SLC9A8: variants seen among roughly 807,000 people sequenced by gnomAD.
SLC9A8 encodes the protein sodium/hydrogen exchanger 8.
Under a neutral mutation model 66.6 loss-of-function variants are expected in SLC9A8, and 48 were observed. The ratio of observed to expected loss-of-function variants is 0.72; its 90% CI spans 0.57 to 0.92. The LOEUF is 0.92. Ranked by LOEUF, SLC9A8 falls within the 40% of genes least tolerant of loss-of-function variation. SLC9A8 has a pLI of 0.00. For missense variants in SLC9A8, 599 were observed against 747.3 expected, an observed-to-expected ratio of 0.80 and a Z score of 2.31; for synonymous variants, 274 against 282.6, an observed-to-expected ratio of 0.97 and a Z score of 0.31.
intron 3 of SLC9A8, among the ~76,000 whole-genome samples, chr20:49,825,450 G>A (rs973473760): frequency 6.6e-6 from 1 of 152,126 alleles, no homozygotes; most frequent in Non-Finnish European, 1.5e-5. Context: ...AGACCAGCCT[G>A]GCCAACATGG....
chr20:49,816,366 G>A (rs2086547862), intron 2 of SLC9A8, among the ~76,000 whole-genome samples: 1 of 151,924 alleles, frequency 6.6e-6, no homozygotes, highest in African/African-American at 2.4e-5. Context: ...GCTGCGGTGA[G>A]CCAAGATCGT....
chr20:49,868,427 G>A (rs554502817), intron 10 of SLC9A8, among the ~76,000 whole-genome samples: 59 of 152,284 alleles, frequency 3.9e-4, no homozygotes, highest in African/African-American at 1.4e-3. Flanking sequence ...GTGTGTGGAC[G>A]CCCCACATTG....
chr20:49,884,819 T>C lies in SLC9A8; in HGVS notation c.1491+753T>C, dbSNP rs117309278. Among the ~76,000 whole-genome samples the C allele has an allele frequency of 4.4e-3, 669 of 152,286 alleles. 12 individuals are homozygous for C. Among genetic ancestry groups the C allele is most frequent in the East Asian group, 0.035 (182 of 5,174 alleles). ...CTGCCACCAGGCTGCCTTCCCGCCC[T>C]GTCTTCACCCTCAGGACCCCTGTGC... On this transcript the variant is annotated intron_variant, in intron 14 of 15. Transcript: ENST00000361573.
intron 3 of SLC9A8, among the ~76,000 whole-genome samples, chr20:49,834,073 ACT>A (rs1568810668): frequency 6.8e-6 from 1 of 147,048 alleles, no homozygotes. Context: ...ACATGGTGAA[ACT>A]CTGTCTCTGC....
intron 2 of SLC9A8, among the ~76,000 whole-genome samples, chr20:49,817,413 T>TA (rs1194201198): frequency 6.6e-5 from 10 of 151,554 alleles, no homozygotes; most frequent in Admixed American, 5.2e-4. Flanking sequence ...GTCATACTCC[T>TA]AATGAGATTA....
At chr20:49,874,956 C>T (rs1404639283) in intron 11 of SLC9A8, 135 bp downstream of exon 11, 2 of 676,398 alleles carry the variant, frequency 3.0e-6, no homozygotes, top group Non-Finnish European at 5.4e-6. Context: ...CCCTCACTCC[C>T]TTATCTTTTG....
Position 49,864,863 on chromosome 20 carries a change from G to A in SLC9A8, c.958+19G>A. ...CTCTCAGGTAAGTGACAGAGAGCCTGAAAGTGCTGTGGTGATGGCATCTTG... is the reference window on the plus strand; with the variant it reads ...CTCTCAGGTAAGTGACAGAGAGCCTAAAAGTGCTGTGGTGATGGCATCTTG... On this transcript the variant is annotated intron_variant, in intron 10 of 15. Coordinates refer to ENST00000361573, the MANE Select transcript of SLC9A8 (RefSeq NM_015266.3). 6.6e-7 allele frequency: 1 copy of A among 1,514,526 alleles called. No homozygotes were observed. Among genetic ancestry groups the A allele is most frequent in the Non-Finnish European group, 9.2e-7 (1 of 1,089,062 alleles). The allele number at this position is 1,514,526 out of a possible 1,614,324, so 93.8% of individuals were successfully genotyped here.
intron 13 of SLC9A8, among the ~76,000 whole-genome samples, chr20:49,883,422 G>A (rs901089369): frequency 6.6e-6 from 1 of 152,166 alleles, no homozygotes; most frequent in Non-Finnish European, 1.5e-5. Context: ...TGTGTGTTGT[G>A]GACAAGAGTA....
chr20:49,869,385 AT>A (rs1335254581), intron 10 of SLC9A8, among the ~76,000 whole-genome samples: 15 of 148,294 alleles, frequency 1.0e-4, no homozygotes, highest in East Asian at 2.0e-4. Context: ...CGCCCGACTA[AT>A]TTTTTTTTTG....
chr20:49,880,777 C>T (rs758694142), intron 12 of SLC9A8, 147 bp from the exon 13 acceptor site: 7 of 624,698 alleles, frequency 1.1e-5, no homozygotes, highest in South Asian at 5.6e-5. Flanking sequence ...CTCTGACGAG[C>T]ATGGTGTTGC....
intron 8 of SLC9A8, among the ~76,000 whole-genome samples, chr20:49,859,087 C>T (rs147395782): frequency 2.1e-4 from 32 of 152,252 alleles, no homozygotes; most frequent in African/African-American, 7.0e-4. Flanking sequence ...GCTGAGGCCA[C>T]GGTTGGATCT....
chr20:49,830,047 C>G, intron 3 of SLC9A8: 1 of 685,844 alleles, frequency 1.5e-6, no homozygotes, highest in Non-Finnish European at 2.8e-6. Context: ...GGCAGCCGAC[C>G]AGAAGCGAGC....
At chr20:49,839,713 A>C in intron 4 of SLC9A8, 114 bp downstream of exon 4, 1 of 537,456 alleles carries the variant, frequency 1.9e-6, no homozygotes, top group Non-Finnish European at 3.2e-6. Context: ...TATATATCCC[A>C]TTACTTTTTA....
intron 3 of SLC9A8, among the ~76,000 whole-genome samples, chr20:49,834,403 G>GTATATATATAC (rs1204668726): frequency 9.0e-5 from 4 of 44,552 alleles, no homozygotes; most frequent in East Asian, 1.2e-3. Context: ...TATATATACT[G>GTATATATATAC]TGTATATATA....
chr20:49,817,110 G>A (rs542955346), intron 2 of SLC9A8, among the ~76,000 whole-genome samples: 3 of 151,428 alleles, frequency 2.0e-5, no homozygotes, highest in African/African-American at 7.2e-5. Context: ...AAGGTCAGGA[G>A]TTCGAGACCA....
chr20:49,818,444 G>A (rs719218), intron 2 of SLC9A8, among the ~76,000 whole-genome samples: 12,956 of 141,676 alleles, frequency 0.091, 665 homozygotes, highest in Middle Eastern at 0.14. Flanking sequence ...CCTGTTGCAT[G>A]TTATTTTATT....
At position 49,884,071 on chromosome 20, in the gene SLC9A8, G is replaced by C; in HGVS notation, c.1491+5G>C. On this transcript the variant is annotated splice_donor_5th_base_variant and intron_variant, in intron 14 of 15. Coordinates refer to ENST00000361573, the MANE Select transcript of SLC9A8 (RefSeq NM_015266.3). Reference sequence around the variant, plus strand: ...CTCAGCAAGACTGAGAAGATGGTTAGTACCATGCGCCTGTGGGGGTGGGGC... The same window carrying C: ...CTCAGCAAGACTGAGAAGATGGTTACTACCATGCGCCTGTGGGGGTGGGGC... 6.2e-7 allele frequency: 1 copy of C among 1,612,858 alleles called. No individual in the cohort carries two copies. The highest frequency in any genetic ancestry group is 1.6e-4 in the Middle Eastern group (1 of 6,062).
chr20:49,852,562 C>CT (rs1422768987), intron 7 of SLC9A8, among the ~76,000 whole-genome samples: 1 of 152,118 alleles, frequency 6.6e-6, no homozygotes, highest in Non-Finnish European at 1.5e-5. Context: ...TAGTTCATTT[C>CT]TTTTTCATTT....
Position 49,845,101 on chromosome 20 carries a change from T to C in SLC9A8, c.414T>C (p.Ser138=). ...LLLLPPIIFE[S]GYSLHKGNFF... Reference sequence around the variant, plus strand: ...TGCTTCCCCCTATTATCTTTGAGTCTGGATATTCATTACACAAGGTGAGAC... The same window carrying C: ...TGCTTCCCCCTATTATCTTTGAGTCCGGATATTCATTACACAAGGTGAGAC... Residue 138 remains serine, a synonymous_variant, in exon 5 of 16, where the codon TCT becomes TCC. Transcript: ENST00000361573. 6.2e-7 allele frequency: 1 copy of C among 1,612,520 alleles called. No homozygotes were observed. The highest frequency in any genetic ancestry group is 8.5e-7 in the Non-Finnish European group (1 of 1,178,514).
Sources: allele counts gnomAD v4.1 joint callset (sites outside exome capture counted in the v4.1 genomes callset), GRCh38; gene constraint gnomAD v4.1.1; transcripts MANE v1.5; gene names NCBI Gene and HGNC (gene_info 2026-07-23, HGNC 2026-07-21).